The following WWOX variants were observed in gnomAD, a reference collection of about 807,000 sequenced individuals.
WWOX encodes the protein WW domain containing oxidoreductase.
WWOX carries 69 observed loss-of-function variants against 46.2 expected under a neutral mutation model. The ratio of observed to expected loss-of-function variants is 1.49; its 90% confidence interval spans 1.23 to 1.82. The LOEUF (loss-of-function observed/expected upper bound fraction) is 1.82, where lower values mean the gene tolerates loss of function less well. WWOX is among the 40% of genes most tolerant of loss of function. The probability of loss-of-function intolerance (pLI) is 0.00; values close to 1 mark genes in which losing one functional copy is unlikely to be tolerated. For missense variants in WWOX, 919 were observed against 542.6 expected (o/e 1.69, Z -6.89); for synonymous variants, 359 against 202.6 (o/e 1.77, Z -6.56).
At chr16:78,222,857 A>G (rs2036936326) in intron 5 of WWOX, among the ~76,000 whole-genome samples, 1 of 152,210 alleles carries the variant, frequency 6.6e-6, no homozygotes, top group Non-Finnish European at 1.5e-5. Flanking sequence ...ATCTCACAAA[A>G]GATCTTCCCG....
chr16:78,230,234 G>A (rs2037212194), intron 5 of WWOX, among the ~76,000 whole-genome samples: 1 of 152,166 alleles, frequency 6.6e-6, no homozygotes, highest in African/African-American at 2.4e-5. Context: ...GCCAGGGAAG[G>A]TTTGTGAAAA....
intron 8 of WWOX, among the ~76,000 whole-genome samples, chr16:79,179,042 C>G (rs1417900354): frequency 1.3e-5 from 2 of 152,108 alleles, no homozygotes; most frequent in Non-Finnish European, 2.9e-5. Context: ...GGCCCTGCCT[C>G]AGCAATATTC....
At chr16:78,469,236 C>T (rs2084161921) in intron 8 of WWOX, among the ~76,000 whole-genome samples, 1 of 152,076 alleles carries the variant, frequency 6.6e-6, no homozygotes, top group African/African-American at 2.4e-5. Flanking sequence ...CTCCAAACCA[C>T]CCATCAAGAT....
At chr16:78,150,032 T>C (rs1157701069) in intron 4 of WWOX, among the ~76,000 whole-genome samples, 2 of 152,160 alleles carry the variant, frequency 1.3e-5, no homozygotes, top group African/African-American at 4.8e-5. Context: ...GACCCCATGG[T>C]TGAGGGCTCA....
rs1399992536 is a variant in WWOX, at chr16:78,259,771, T to C, written c.516+95482T>C. 2.0e-5 allele frequency among the ~76,000 whole-genome samples: 3 copies of C among 151,488 alleles called. No individual in the cohort carries two copies. In the East Asian group the frequency reaches 5.8e-4, roughly 29 times the overall value. ...ATTTGGAGATCTCTATCAAAAGTTT[T>C]ATAAACTTTTTTTTTACCTAGGAAT... On this transcript the variant is annotated intron_variant, in intron 5 of 8. Coordinates refer to ENST00000566780, the MANE Select transcript of WWOX (RefSeq NM_016373.4).
At chr16:78,604,519 A>C (rs2045697530) in intron 8 of WWOX, among the ~76,000 whole-genome samples, 1 of 152,224 alleles carries the variant, frequency 6.6e-6, no homozygotes, top group Non-Finnish European at 1.5e-5. Flanking sequence ...TTTTGTAAAA[A>C]TTAGAAAAAT....
intron 4 of WWOX, among the ~76,000 whole-genome samples, chr16:78,135,024 C>T (rs2033738752): frequency 2.0e-5 from 3 of 152,134 alleles, no homozygotes; most frequent in South Asian, 2.1e-4. Flanking sequence ...GTGTCACCTG[C>T]GCATTGAAAA....
At chr16:78,618,189 C>G (rs77527248) in intron 8 of WWOX, among the ~76,000 whole-genome samples, 3,363 of 152,320 alleles carry the variant, frequency 0.022, 138 homozygotes, top group African/African-American at 0.077. Context: ...CCCGATCTCA[C>G]TGATTCTAAA....
chr16:78,306,465 T>C (rs937472585), intron 5 of WWOX, among the ~76,000 whole-genome samples: 3 of 152,184 alleles, frequency 2.0e-5, no homozygotes, highest in African/African-American at 7.2e-5. Context: ...TGAGAGTTCA[T>C]CTGGGCACCT....
chr16:79,005,659 C>T (rs2047176129), intron 8 of WWOX, among the ~76,000 whole-genome samples: 1 of 152,080 alleles, frequency 6.6e-6, no homozygotes, highest in South Asian at 2.1e-4. Flanking sequence ...CTCTCTATGT[C>T]TTCAATGTTC....
intron 4 of WWOX, among the ~76,000 whole-genome samples, chr16:78,120,191 AAAATGTATATATT>A (rs1423449212): frequency 1.3e-5 from 2 of 152,212 alleles, no homozygotes; most frequent in Non-Finnish European, 2.9e-5. Flanking sequence ...CTTACATATC[AAAATGTATATATT>A]TTGAGGTATA....
intron 8 of WWOX, among the ~76,000 whole-genome samples, chr16:78,710,083 T>C (rs1428436598): frequency 6.6e-6 from 1 of 151,990 alleles, no homozygotes. Context: ...TATTTTCTGC[T>C]ATTTCGTGTG....
In WWOX at chr16:78,600,135, C is replaced by T. The variant is rs367866852; in HGVS notation, c.1056+167383C>T. On this transcript the variant is annotated intron_variant, in intron 8 of 8. Coordinates refer to ENST00000566780, the MANE Select transcript of WWOX (RefSeq NM_016373.4). ...TCCCCCTTATAAAACCATCAGATCT[C>T]GTGAGACTTGTTCACTATCACGAGT... is the stretch of plus-strand genomic sequence containing the variant. Among the ~76,000 whole-genome samples, 39 of 152,176 alleles carry T rather than the reference C, an allele frequency of 2.6e-4. No individual in the cohort carries two copies. In the South Asian group the frequency reaches 5.2e-3, roughly 20 times the overall value.
chr16:78,654,205 A>G (rs1210774657), intron 8 of WWOX, among the ~76,000 whole-genome samples: 7 of 151,430 alleles, frequency 4.6e-5, no homozygotes, highest in African/African-American at 1.4e-4. Context: ...TGGGTGGGCG[A>G]TTTGAATAGA....
At chr16:78,708,781 A>C (rs1216619139) in intron 8 of WWOX, among the ~76,000 whole-genome samples, 9 of 152,226 alleles carry the variant, frequency 5.9e-5, no homozygotes, top group Admixed American at 4.6e-4. Flanking sequence ...TGACAGAGGC[A>C]TAAGGCTCCT....
chr16:79,027,696 C>T (rs889268337), intron 8 of WWOX, among the ~76,000 whole-genome samples: 1 of 151,822 alleles, frequency 6.6e-6, no homozygotes, highest in African/African-American at 2.4e-5. Context: ...TTATCTCCTC[C>T]TTACTCTACC....
At chr16:78,915,729 T>C (rs2045235000) in intron 8 of WWOX, among the ~76,000 whole-genome samples, 2 of 152,032 alleles carry the variant, frequency 1.3e-5, no homozygotes, top group Non-Finnish European at 2.9e-5. Context: ...TCTCATCCCG[T>C]CATCTGCCTT....
intron 8 of WWOX, among the ~76,000 whole-genome samples, chr16:78,522,091 C>T (rs572194135): frequency 1.2e-4 from 18 of 149,986 alleles, no homozygotes; most frequent in African/African-American, 4.2e-4. Flanking sequence ...ACAGCCTGTG[C>T]TCTTTTCATA....
At chr16:78,928,651 T>C (rs1030164024) in intron 8 of WWOX, among the ~76,000 whole-genome samples, 12 of 148,496 alleles carry the variant, frequency 8.1e-5, no homozygotes, top group Admixed American at 2.7e-4. Flanking sequence ...AAGGGGTTTC[T>C]TTGACTTACT....
Sources: allele counts gnomAD v4.1 joint callset (sites outside exome capture counted in the v4.1 genomes callset), GRCh38; gene constraint gnomAD v4.1.1; transcripts MANE v1.5; gene names NCBI Gene and HGNC (gene_info 2026-07-23, HGNC 2026-07-21).